LRRC56: variants seen among roughly 807,000 people sequenced by gnomAD.
The protein encoded by LRRC56 is leucine rich repeat containing 56, also known as leucine-rich repeat-containing protein 56.
LRRC56 carries 41 observed loss-of-function variants against 47.8 expected under a neutral mutation model. That is an observed-to-expected ratio of 0.86 (90% CI 0.67 to 1.11). The LOEUF (loss-of-function observed/expected upper bound fraction) is 1.11. Among genes scored for constraint, LRRC56 ranks in the 50% most tolerant of loss-of-function variants. The pLI is 0.00. For synonymous variants in LRRC56, 387 were observed against 311.2 expected (o/e 1.24, Z -2.56); for missense variants, 759 against 704.2 (o/e 1.08, Z -0.88).
At chr11:519,080 CAA>C in the LRRC56 span, among the ~76,000 whole-genome samples, 1 of 150,504 alleles carries the variant, frequency 6.6e-6, no homozygotes, top group Non-Finnish European at 1.5e-5. Flanking sequence ...GTCCTTCCGC[CAA>C]AAACCTGCTG....
chr11:538,249 G>A (rs567456214), intron 1 of LRRC56, among the ~76,000 whole-genome samples: 2 of 152,322 alleles, frequency 1.3e-5, no homozygotes, highest in African/African-American at 4.8e-5. Flanking sequence ...GGAGACAAGG[G>A]TAGCTGACTC....
At chr11:511,695 G>A in the LRRC56 span, among the ~76,000 whole-genome samples, 387 of 152,348 alleles carry the variant, frequency 2.5e-3, 2 homozygotes, top group Non-Finnish European at 4.2e-3. Flanking sequence ...GATCCGTGCT[G>A]ATGTGGGGGC....
At chr11:546,127 G>A (rs776592432) in intron 6 of LRRC56, among the ~76,000 whole-genome samples, 47 of 152,118 alleles carry the variant, frequency 3.1e-4, no homozygotes, top group African/African-American at 8.2e-4. Flanking sequence ...AAAATTAGCC[G>A]TGCATGGTGG....
At chr11:521,864 G>A in the LRRC56 span, among the ~76,000 whole-genome samples, 2 of 151,272 alleles carry the variant, frequency 1.3e-5, no homozygotes, top group Non-Finnish European at 1.5e-5. Context: ...GCAGTGAGCC[G>A]AGATCACGCC....
chr11:508,183 C>T, the LRRC56 span, among the ~76,000 whole-genome samples: 32 of 152,318 alleles, frequency 2.1e-4, no homozygotes, highest in Admixed American at 1.4e-3. Flanking sequence ...TATTTGTTTT[C>T]GAGACAGGGT....
chr11:531,657 C>T, the LRRC56 span, among the ~76,000 whole-genome samples: 1 of 152,216 alleles, frequency 6.6e-6, no homozygotes, highest in Non-Finnish European at 1.5e-5. Flanking sequence ...ACCTCGTCCA[C>T]TCCAGGAGGC....
At chr11:544,854 G>A in intron 6 of LRRC56, 74 bp downstream of exon 6, 3 of 1,396,662 alleles carry the variant, frequency 2.1e-6, no homozygotes, top group South Asian at 1.2e-5. Flanking sequence ...CAGGGATGGG[G>A]GGAGAACTTG....
intron 6 of LRRC56, among the ~76,000 whole-genome samples, chr11:548,820 T>C (rs1444108662): frequency 6.6e-6 from 1 of 152,020 alleles, no homozygotes. Context: ...CAGTGGACAC[T>C]GGAACGAAAG....
chr11:535,303 C>T (rs1220312756), upstream of LRRC56: 1 of 143,908 alleles, frequency 6.9e-6, no homozygotes, highest in East Asian at 2.0e-4. Context: ...CCGCCGCCGC[C>T]GCCGCCGCCG....
the LRRC56 span, among the ~76,000 whole-genome samples, chr11:518,576 G>T: frequency 6.6e-6 from 1 of 152,086 alleles, no homozygotes; most frequent in East Asian, 1.9e-4. Context: ...GGCCGCCTCC[G>T]CCTCCCAAAG....
At chr11:507,242 C>A in the LRRC56 span, 1 of 150,432 alleles carries the variant, frequency 6.6e-6, no homozygotes, top group African/African-American at 2.5e-5. Flanking sequence ...CGGGCGTGTT[C>A]GAGCCGGCTC....
At chr11:518,919 C>G in the LRRC56 span, among the ~76,000 whole-genome samples, 3 of 151,932 alleles carry the variant, frequency 2.0e-5, no homozygotes, top group Non-Finnish European at 2.9e-5. Flanking sequence ...GCGTGTCTCC[C>G]GGTCACGTGA....
chr11:554,911 G>T lies in LRRC56; in HGVS notation c.*635G>T. 1 of 1,144,536 alleles carries T rather than the reference G, an allele frequency of 8.7e-7. No individual in the cohort carries two copies. Among genetic ancestry groups the T allele is most frequent in the Non-Finnish European group, 1.2e-6 (1 of 845,256 alleles). The allele number at this position is 1,144,536 out of a possible 1,614,324, so 70.9% of individuals were successfully genotyped here. A position where few individuals can be genotyped will look rare whatever the true frequency, so the allele number is the denominator to read the frequency against. ...CGTTGGTTCAATAAATGATGCAGCG[G>T]ACACAGCCCGCCCAGCCCCGGCGCC... On this transcript the variant is annotated 3_prime_UTR_variant, in exon 14 of 14. Transcript: ENST00000270115.
chr11:535,301 GCCGCCGCCGCCGCTTACGC>G (rs1851412459), upstream of LRRC56: 1 of 138,060 alleles, frequency 7.2e-6, no homozygotes, highest in South Asian at 1.9e-4. Context: ...CGCCGCCGCC[GCCGCCGCCGCCGCTTACGC>G]CCGCCGGCCC....
At chr11:549,323 C>G (rs1042289103) in intron 6 of LRRC56, among the ~76,000 whole-genome samples, 2 of 152,082 alleles carry the variant, frequency 1.3e-5, no homozygotes, top group African/African-American at 4.8e-5. Flanking sequence ...GGTGCAGGGT[C>G]CCTGGGGACA....
chr11:512,471 A>G, the LRRC56 span, among the ~76,000 whole-genome samples: 3 of 151,912 alleles, frequency 2.0e-5, no homozygotes, highest in Non-Finnish European at 4.4e-5. Flanking sequence ...CTGACCTCAA[A>G]TGATCTGCCT....
intron 13 of LRRC56, 112 bp from the exon 14 acceptor site, chr11:553,851 A>G: frequency 1.1e-6 from 1 of 895,010 alleles, no homozygotes; most frequent in Non-Finnish European, 1.7e-6. Context: ...GTGGACCCCC[A>G]AGGACCACTG....
chr11:521,894 G>GCA, the LRRC56 span, among the ~76,000 whole-genome samples: 1 of 147,250 alleles, frequency 6.8e-6, no homozygotes, highest in Non-Finnish European at 1.5e-5. Flanking sequence ...CAGCCTGGAT[G>GCA]ACAGAGCAAG....
Position 551,908 on chromosome 11 carries a change from G to A in LRRC56, c.979G>A (p.Gly327Ser), listed in dbSNP as rs1852415265. The change falls in exon 11 of 14, where the codon GGC becomes AGC. Residue 327 changes from glycine (G) to serine (S), a missense_variant. Gly to Ser is a moderately conservative substitution (Grantham distance 56). Coordinates refer to ENST00000270115, the MANE Select transcript of LRRC56 (RefSeq NM_198075.4). Reference protein sequence around the residue: ...DNTSSLTHGAGQVLCGNPTKG... With the variant: ...DNTSSLTHGASQVLCGNPTKG... ...AGCCATGCTGTCTCTTGCAGGTGCT[G>A]GCCAAGTCCTCTGTGGGAACCCCAC... is the stretch of plus-strand genomic sequence containing the variant. 1.2e-6 allele frequency: 2 copies of A among 1,612,510 alleles called. No individual in the cohort carries two copies. Among genetic ancestry groups the A allele is most frequent in the Non-Finnish European group, 1.7e-6 (2 of 1,179,874 alleles).
Sources: gnomAD v4.1 joint callset for allele counts (sites outside exome capture counted in the v4.1 genomes callset) on GRCh38, gnomAD v4.1.1 for gene constraint, MANE v1.5 for transcripts, NCBI Gene and HGNC (gene_info 2026-07-23, HGNC 2026-07-21) for gene names.